SPTB: variants seen among roughly 807,000 people sequenced by gnomAD.
SPTB encodes spectrin beta, erythrocytic, also known as spectrin beta chain, erythrocytic.
A neutral mutation model predicts 256.2 loss-of-function variants in SPTB; 45 were observed. That is an observed-to-expected ratio of 0.18 (90% CI 0.14 to 0.23). The LOEUF is 0.23. Among genes scored for constraint, SPTB ranks in the 10% least tolerant of loss-of-function variants. The pLI, the probability that SPTB is intolerant of heterozygous loss-of-function variation, is 1.00. For synonymous variants in SPTB, 1,231 were observed against 1,243.1 expected (o/e 0.99, Z 0.21); for missense variants, 2,715 against 3,040.4 (o/e 0.89, Z 2.52).
chr14:64,783,030 G>T (rs974557737), intron 19 of SPTB, among the ~76,000 whole-genome samples: 6 of 152,062 alleles, frequency 3.9e-5, no homozygotes, highest in African/African-American at 7.2e-5. Flanking sequence ...ACCCATCCAG[G>T]TACAGTCAGT....
Position 64,778,580 on chromosome 14 carries a change from A to C in SPTB, c.4563+577T>G, listed in dbSNP as rs2082402293. 6.6e-6 allele frequency among the ~76,000 whole-genome samples: 1 copy of C among 152,300 alleles called. No individual in the cohort carries two copies. The highest frequency in any genetic ancestry group is 1.9e-4 in the East Asian group (1 of 5,178). On this transcript the variant is annotated intron_variant, in intron 22 of 35. Transcript: ENST00000644917. This position sits in a 1 kb window ranked among gnomAD's most constrained non-coding sequence, Gnocchi z 5.2. ...CCAGGATCCTGACCAGGGCCACAGG[A>C]GTTCCCAATCAGGGCTAAGCGAGTG... is the stretch of plus-strand genomic sequence containing the variant.
intron 1 of SPTB, among the ~76,000 whole-genome samples, chr14:64,855,456 A>G (rs1320034614): frequency 6.6e-6 from 1 of 152,194 alleles, no homozygotes; most frequent in Non-Finnish European, 1.5e-5. Flanking sequence ...TTTCCATCAC[A>G]AGACACCAAA....
chr14:64,807,638 T>C lies in SPTB; in HGVS notation c.149-2548A>G, dbSNP rs2083009185. On this transcript the variant is annotated intron_variant, in intron 2 of 35. Transcript: ENST00000644917. This position sits in a 1 kb window ranked among gnomAD's most constrained non-coding sequence, Gnocchi z 4.7. Reference sequence around the variant, plus strand: ...TGGAAGGGGAGAAAAGGCCCCAAGGTGAGAGGCATTTCCATGAGCTGGCTG... The same window carrying C: ...TGGAAGGGGAGAAAAGGCCCCAAGGCGAGAGGCATTTCCATGAGCTGGCTG... Among the ~76,000 whole-genome samples, 1 of 152,200 alleles carries C rather than the reference T, an allele frequency of 6.6e-6. No homozygotes were observed. Among genetic ancestry groups the C allele is most frequent in the Non-Finnish European group, 1.5e-5 (1 of 68,028 alleles).
chr14:64,847,018 C>T lies in SPTB; in HGVS notation c.-51-23873G>A, dbSNP rs2083703573. Among the ~76,000 whole-genome samples, 1 of 152,128 alleles carries T rather than the reference C, an allele frequency of 6.6e-6. No homozygotes were observed. Among genetic ancestry groups the T allele is most frequent in the African/African-American group, 2.4e-5 (1 of 41,412 alleles). ...CCACTAAGCTATCAGAAGCCAGTCG[C>T]CCACCCATACTGCCTCCATCCTCAT... is the stretch of plus-strand genomic sequence containing the variant. On this transcript the variant is annotated intron_variant, in intron 1 of 35. Transcript: ENST00000644917. The surrounding 1 kb of genome is among the most constrained non-coding windows in gnomAD (Gnocchi z 5.9).
intron 2 of SPTB, among the ~76,000 whole-genome samples, chr14:64,811,144 A>G (rs941253656): frequency 2.0e-5 from 3 of 152,226 alleles, no homozygotes; most frequent in African/African-American, 7.2e-5. Flanking sequence ...ATAAAACACC[A>G]TAAGCAAAGT....
At chr14:64,789,930 TGG>T (rs1383773992) in intron 15 of SPTB, among the ~76,000 whole-genome samples, 1 of 152,074 alleles carries the variant, frequency 6.6e-6, no homozygotes, top group Non-Finnish European at 1.5e-5. Context: ...GAGGCGACAC[TGG>T]GGGTGGAGGT....
rs2081898923 is a variant in SPTB, at chr14:64,749,132, G to A, written c.*174C>T. On this transcript the variant is annotated 3_prime_UTR_variant, in exon 36 of 36. Transcript: ENST00000644917. This position sits in a 1 kb window ranked among gnomAD's most constrained non-coding sequence, Gnocchi z 4.7. ...CGGGCGAGGGCATGGAGGGGGCGTC[G>A]GCCCAGGACACGCGGGCGAAGGCAG... 2 of 682,366 alleles carry A rather than the reference G, an allele frequency of 2.9e-6. No homozygotes were observed. Among genetic ancestry groups the A allele is most frequent in the Non-Finnish European group, 4.6e-6 (2 of 432,362 alleles). The allele number at this position is 682,366 out of a possible 1,614,324, so 42.3% of individuals were successfully genotyped here.
rs552017975 is a variant in SPTB at position 64,754,129 on chromosome 14, G to T, written c.6346-336C>A. ...GATTATTTCATTAAAGGGGTGTGAG[G>T]GGGGGCAGGTTCCAATGCTGCTGGC... is the stretch of plus-strand genomic sequence containing the variant. On this transcript the variant is annotated intron_variant, in intron 32 of 35. Transcript: ENST00000644917. The T allele has an allele frequency of 2.1e-5, 9 of 436,662 alleles. No homozygotes were observed. The Admixed American group carries it at 2.1e-4, about 10-fold the overall frequency. The allele number at this position is 436,662 out of a possible 1,614,324, so 27.0% of individuals were successfully genotyped here. A position where few individuals can be genotyped will look rare whatever the true frequency, so the allele number is the denominator to read the frequency against.
At chr14:64,819,806 C>T (rs1030783698) in intron 2 of SPTB, among the ~76,000 whole-genome samples, 5 of 152,204 alleles carry the variant, frequency 3.3e-5, no homozygotes, top group Non-Finnish European at 7.3e-5. Flanking sequence ...AGAGAAAGGA[C>T]AGAAAACACC....
chr14:64,846,605 A>G (rs2139765191), intron 1 of SPTB, among the ~76,000 whole-genome samples: 1 of 152,366 alleles, frequency 6.6e-6, no homozygotes, highest in East Asian at 1.9e-4. Context: ...GACTCATGGC[A>G]GCATACTGTG....
Position 64,772,868 on chromosome 14 carries a change from C to T in SPTB, c.5265G>A (p.Glu1755=), listed in dbSNP as rs373680895. The T allele has an allele frequency of 7.3e-5, 117 of 1,611,504 alleles. No individual in the cohort carries two copies. Among genetic ancestry groups the T allele is most frequent in the South Asian group, 8.8e-5 (8 of 91,042 alleles). The change falls in exon 26 of 36, where the codon GAG becomes GAA. Residue 1755 remains glutamate (E), a synonymous_variant. Transcript: ENST00000644917. The surrounding 1 kb of genome is among the most constrained non-coding windows in gnomAD (Gnocchi z 5.4). ...CGCTGTGGCCCGCGTCGATGAGTCGCTCGATGAAGGCATTCACATTGTCCA... is the reference window on the plus strand; with the variant it reads ...CGCTGTGGCCCGCGTCGATGAGTCGTTCGATGAAGGCATTCACATTGTCCA... ...ERVDNVNAFI[E]RLIDAGHSEA...
Position 64,807,643 on chromosome 14 carries a change from G to A in SPTB, c.149-2553C>T, listed in dbSNP as rs150655517. Among the ~76,000 whole-genome samples, 376 of 152,374 alleles carry A rather than the reference G, an allele frequency of 2.5e-3. 1 individual carries two copies. The highest frequency in any genetic ancestry group is 8.7e-3 in the African/African-American group (362 of 41,592). ...GGGGAGAAAAGGCCCCAAGGTGAGA[G>A]GCATTTCCATGAGCTGGCTGGCTCC... On this transcript the variant is annotated intron_variant, in intron 2 of 35. Transcript: ENST00000644917. The surrounding 1 kb of genome is among the most constrained non-coding windows in gnomAD (Gnocchi z 4.7).
At position 64,847,250 on chromosome 14, in the gene SPTB, GTCT is replaced by G. The variant is rs2139766912; in HGVS notation, c.-51-24108_-51-24106del. The stretch of plus-strand genomic sequence containing the variant: ...GCGAAGACAGCCCAACTTGGCTGTG[GTCT>G]TCTTTCCTAAAACACATCAAAGGCC... On this transcript the variant is annotated intron_variant, in intron 1 of 35. Transcript: ENST00000644917. This position sits in a 1 kb window ranked among gnomAD's most constrained non-coding sequence, Gnocchi z 5.9. Among the ~76,000 whole-genome samples the G allele has an allele frequency of 6.6e-6, 1 of 152,336 alleles. No individual in the cohort carries two copies. Among genetic ancestry groups the G allele is most frequent in the Admixed American group, 6.5e-5 (1 of 15,310 alleles).
chr14:64,769,356 T>C (rs1322116117), intron 28 of SPTB, among the ~76,000 whole-genome samples: 1 of 152,182 alleles, frequency 6.6e-6, no homozygotes, highest in Non-Finnish European at 1.5e-5. Flanking sequence ...CTGTGGGTGT[T>C]AGGCCGGTTA....
rs113348431 is a variant in SPTB at position 64,823,756 on chromosome 14, T to C, written c.-51-611A>G. On this transcript the variant is annotated intron_variant, in intron 1 of 35. Coordinates refer to ENST00000644917, the MANE Select transcript of SPTB (RefSeq NM_001355436.2). This position sits in a 1 kb window ranked among gnomAD's most constrained non-coding sequence, Gnocchi z 6.5. Reference sequence around the variant, plus strand: ...AGCCCTCTGAGTTCCTTCCCAGCAGTTGGTATTCAGAAAGCTGACCTCGCA... The same window carrying C: ...AGCCCTCTGAGTTCCTTCCCAGCAGCTGGTATTCAGAAAGCTGACCTCGCA... Among the ~76,000 whole-genome samples, 16 of 152,288 alleles carry C rather than the reference T, an allele frequency of 1.1e-4. No individual in the cohort carries two copies. Among genetic ancestry groups the C allele is most frequent in the African/African-American group, 3.8e-4 (16 of 41,570 alleles).
At chr14:64,829,433 T>G (rs1411674901) in intron 1 of SPTB, among the ~76,000 whole-genome samples, 1 of 152,190 alleles carries the variant, frequency 6.6e-6, no homozygotes, top group African/African-American at 2.4e-5. Flanking sequence ...AAAACCACAT[T>G]TTTGAGGCAA....
At chr14:64,839,209 G>A (rs435627) in intron 1 of SPTB, among the ~76,000 whole-genome samples, 99,217 of 152,082 alleles carry the variant, frequency 0.65, 33,011 homozygotes, top group Non-Finnish European at 0.72. Context: ...TAGATAAACC[G>A]ATTGTGGTAC....
chr14:64,765,817 TGTGA>T (rs1029402911), intron 32 of SPTB, among the ~76,000 whole-genome samples: 6 of 139,520 alleles, frequency 4.3e-5, no homozygotes, highest in South Asian at 2.3e-4. Context: ...TGTGTGTGTG[TGTGA>T]GTGTGTGTGT....
Position 64,749,003 on chromosome 14 carries a change from A to T in SPTB, c.*303T>A. ...CCCCTCGGCTCAGGAGGAGGGTGGG[A>T]GAGGAGGGCGTGTGCCTCAGAGAAC... On this transcript the variant is annotated 3_prime_UTR_variant, in exon 36 of 36. Transcript: ENST00000644917. The surrounding 1 kb of genome is among the most constrained non-coding windows in gnomAD (Gnocchi z 4.7). 1 of 222,056 alleles carries T rather than the reference A, an allele frequency of 4.5e-6. No individual in the cohort carries two copies. The highest frequency in any genetic ancestry group is 8.1e-6 in the Non-Finnish European group (1 of 123,116). 13.8% of individuals were successfully genotyped at this position (222,056 alleles called of 1,614,324 possible).
Sources: gnomAD v4.1 joint callset for allele counts (sites outside exome capture counted in the v4.1 genomes callset) on GRCh38, gnomAD v4.1.1 for gene constraint, Gnocchi (gnomAD v3.1) non-coding constraint, MANE v1.5 for transcripts, NCBI Gene and HGNC (gene_info 2026-07-23, HGNC 2026-07-21) for gene names.